Variants in UBE3A observed in about 807,000 individuals in gnomAD.
UBE3A encodes ubiquitin-protein ligase E3A.
A neutral mutation model predicts 83.4 loss-of-function variants in UBE3A; 6 were observed. The ratio of observed to expected loss-of-function variants is 0.07; its 90% confidence interval spans 0.04 to 0.14. The LOEUF (loss-of-function observed/expected upper bound fraction) is 0.14. Ranked by LOEUF, UBE3A falls within the 10% of genes least tolerant of loss-of-function variation. UBE3A has a pLI of 1.00. For missense variants in UBE3A, 456 were observed against 1,036.1 expected (o/e 0.44, Z 7.69); for synonymous variants, 337 against 355.4 (o/e 0.95, Z 0.58).
chr15:25,421,423 C>T (rs1008893060), intron 1 of UBE3A, among the ~76,000 whole-genome samples: 4 of 152,016 alleles, frequency 2.6e-5, no homozygotes, highest in East Asian at 3.9e-4. Flanking sequence ...AATGGCCTAA[C>T]GCAAGGACAT....
At chr15:25,406,688 TCACACACA>T (rs60819760) in intron 3 of UBE3A, among the ~76,000 whole-genome samples, 433 of 148,662 alleles carry the variant, frequency 2.9e-3, no homozygotes, top group African/African-American at 4.7e-3. Context: ...TTAAAATCAG[TCACACACA>T]CACACACACA....
chr15:25,411,185 C>T lies in UBE3A; in HGVS notation c.-101+723G>A, dbSNP rs114543653. Among the ~76,000 whole-genome samples, 76 of 152,274 alleles carry T rather than the reference C, an allele frequency of 5.0e-4. No homozygotes were observed. The South Asian group carries it at 9.3e-3, about 19-fold the overall frequency. On this transcript the variant is annotated intron_variant, in intron 2 of 12. Transcript: ENST00000648336. Reference sequence around the variant, plus strand: ...TCTTGGGCAAGTTACTTAACCTCTCCGAGTCTCAGTTTCCTTATAGGTAGA... The same window carrying T: ...TCTTGGGCAAGTTACTTAACCTCTCTGAGTCTCAGTTTCCTTATAGGTAGA...
chr15:25,432,671 T>A (rs1183152278), intron 1 of UBE3A, among the ~76,000 whole-genome samples: 1 of 152,190 alleles, frequency 6.6e-6, no homozygotes, highest in Non-Finnish European at 1.5e-5. Context: ...CTAACCTCAA[T>A]TGATCCTGAG....
intron 11 of UBE3A, among the ~76,000 whole-genome samples, chr15:25,350,288 C>CTT (rs2076305278): frequency 6.7e-6 from 1 of 149,434 alleles, no homozygotes; most frequent in African/African-American, 2.5e-5. Flanking sequence ...ATGACAGAGA[C>CTT]TTTGTCTCTT....
intron 4 of UBE3A, among the ~76,000 whole-genome samples, chr15:25,398,566 A>G (rs1016263242): frequency 6.6e-6 from 1 of 151,546 alleles, no homozygotes; most frequent in Non-Finnish European, 1.5e-5. Flanking sequence ...CTTACTTTCA[A>G]CAATGCCCTC....
intron 1 of UBE3A, among the ~76,000 whole-genome samples, chr15:25,425,942 A>G (rs962826655): frequency 1.3e-5 from 2 of 152,250 alleles, no homozygotes; most frequent in African/African-American, 2.4e-5. Context: ...GAACTCTGGA[A>G]TCACAACACA....
At position 25,370,209 on chromosome 15, in the gene UBE3A, A is replaced by C. The variant is rs375675358; in HGVS notation, c.1608+357T>G. Among the ~76,000 whole-genome samples, 14 of 152,300 alleles carry C rather than the reference A, an allele frequency of 9.2e-5. No homozygotes were observed. In the East Asian group the frequency reaches 2.7e-3, roughly 29 times the overall value. ...TTTACTGTACCATTACTCCCAGTTCAAGACTGCACATCCACACTTATTATT... is the reference window on the plus strand; with the variant it reads ...TTTACTGTACCATTACTCCCAGTTCCAGACTGCACATCCACACTTATTATT... On this transcript the variant is annotated intron_variant, in intron 6 of 12. Coordinates refer to ENST00000648336, the MANE Select transcript of UBE3A (RefSeq NM_130839.5). The surrounding 1 kb of genome is among the most constrained non-coding windows in gnomAD (Gnocchi z 4.2).
intron 1 of UBE3A, among the ~76,000 whole-genome samples, chr15:25,437,287 A>T (rs1895385992): frequency 6.6e-6 from 1 of 152,212 alleles, no homozygotes; most frequent in Admixed American, 6.5e-5. Context: ...TAAATTTTAC[A>T]TGATTTACCA....
chr15:25,358,731 G>C (rs907224519), intron 7 of UBE3A, among the ~76,000 whole-genome samples: 1 of 152,130 alleles, frequency 6.6e-6, no homozygotes, highest in Non-Finnish European at 1.5e-5. Context: ...TTGATCACTA[G>C]GAGTATGAAT....
At chr15:25,364,635 T>TG (rs1566928851) in intron 6 of UBE3A, among the ~76,000 whole-genome samples, 35 of 120,260 alleles carry the variant, frequency 2.9e-4, no homozygotes, top group Non-Finnish European at 5.1e-4. Context: ...TTTTAGGGTT[T>TG]TTTTTGTTTG....
intron 7 of UBE3A, among the ~76,000 whole-genome samples, chr15:25,359,418 CGTGTGTGT>C (rs60677664): frequency 0.031 from 4,295 of 138,968 alleles, 194 homozygotes; most frequent in African/African-American, 0.093. Context: ...ATAAGGGATG[CGTGTGTGT>C]GTGTGTGTGT....
intron 4 of UBE3A, among the ~76,000 whole-genome samples, chr15:25,399,689 C>T (rs2086614020): frequency 6.6e-6 from 1 of 152,062 alleles, no homozygotes; most frequent in South Asian, 2.1e-4. Flanking sequence ...CTTCTTCAGC[C>T]TCTCGGGTAG....
chr15:25,359,718 A>C (rs1397338728), intron 7 of UBE3A, among the ~76,000 whole-genome samples: 1 of 152,132 alleles, frequency 6.6e-6, no homozygotes, highest in Non-Finnish European at 1.5e-5. Context: ...TAGACTACCC[A>C]AAAGACTGCA....
At chr15:25,409,042 T>C in intron 3 of UBE3A, 46 bp downstream of exon 3, 1 of 1,557,042 alleles carries the variant, frequency 6.4e-7, no homozygotes, top group Non-Finnish European at 8.7e-7. Flanking sequence ...TGTATTTCAC[T>C]TTACAATGAC....
chr15:25,368,736 C>A (rs1051682697), intron 6 of UBE3A, among the ~76,000 whole-genome samples: 1 of 151,982 alleles, frequency 6.6e-6, no homozygotes, highest in Non-Finnish European at 1.5e-5. Flanking sequence ...GCAGTTGTTT[C>A]CTTAAAATTC....
chr15:25,353,938 A>G, intron 11 of UBE3A: 1 of 240,394 alleles, frequency 4.2e-6, no homozygotes, highest in Non-Finnish European at 8.2e-6. Context: ...TTATCTTAAG[A>G]ATTAAATAAA....
At chr15:25,382,997 TAAC>T (rs1290545654) in intron 4 of UBE3A, among the ~76,000 whole-genome samples, 1 of 152,078 alleles carries the variant, frequency 6.6e-6, no homozygotes, top group Non-Finnish European at 1.5e-5. Flanking sequence ...ATTTAAAAAC[TAAC>T]AACCCTTCTC....
intron 1 of UBE3A, among the ~76,000 whole-genome samples, chr15:25,417,155 G>A (rs961890801): frequency 5.3e-5 from 8 of 152,114 alleles, no homozygotes; most frequent in African/African-American, 1.9e-4. Flanking sequence ...AAAGGACTGG[G>A]AGACTCCTAA....
chr15:25,430,777 A>T (rs1893227122), intron 1 of UBE3A, among the ~76,000 whole-genome samples: 1 of 152,192 alleles, frequency 6.6e-6, no homozygotes, highest in South Asian at 2.1e-4. Context: ...TCAATCCAGG[A>T]TTTAAGAAAT....
Sources: gnomAD v4.1 joint callset for allele counts (sites outside exome capture counted in the v4.1 genomes callset) on GRCh38, gnomAD v4.1.1 for gene constraint, Gnocchi (gnomAD v3.1) non-coding constraint, MANE v1.5 for transcripts, NCBI Gene and HGNC (gene_info 2026-07-23, HGNC 2026-07-21) for gene names.